Variants in PRKCA observed in about 807,000 individuals in gnomAD.
PRKCA encodes the protein protein kinase C alpha.
Under a neutral mutation model 87.0 loss-of-function variants are expected in PRKCA, and 27 were observed. That is an observed-to-expected ratio of 0.31 (90% CI 0.23 to 0.43). The LOEUF (loss-of-function observed/expected upper bound fraction) is 0.43. PRKCA is among the 20% of genes least tolerant of loss of function. PRKCA has a pLI of 1.00. For missense variants in PRKCA, 518 were observed against 852.3 expected, an observed-to-expected ratio of 0.61 and a Z score of 4.88; for synonymous variants, 329 against 311.1, an observed-to-expected ratio of 1.06 and a Z score of -0.61.
intron 3 of PRKCA, among the ~76,000 whole-genome samples, chr17:66,520,125 AT>A (rs35377147): frequency 0.43 from 57,868 of 133,916 alleles, 13,556 homozygotes; most frequent in African/African-American, 0.66. Flanking sequence ...CACACTAATA[AT>A]TTTTTTTTTT....
chr17:66,414,175 G>T (rs1911989570), intron 2 of PRKCA, among the ~76,000 whole-genome samples: 1 of 152,120 alleles, frequency 6.6e-6, no homozygotes, highest in Non-Finnish European at 1.5e-5. Flanking sequence ...ACATCTCATA[G>T]GAATTGTGAT....
chr17:66,485,518 G>A (rs1054845868), intron 2 of PRKCA, among the ~76,000 whole-genome samples: 5 of 152,202 alleles, frequency 3.3e-5, no homozygotes, highest in Non-Finnish European at 5.9e-5. Context: ...CGAAGCCTGA[G>A]TTCTGAGTAT....
At chr17:66,569,833 T>C (rs1269587084) in intron 3 of PRKCA, among the ~76,000 whole-genome samples, 3 of 152,192 alleles carry the variant, frequency 2.0e-5, no homozygotes, top group Non-Finnish European at 4.4e-5. Flanking sequence ...ATAACCACTT[T>C]AGAAAACTGT....
chr17:66,792,952 A>G lies in PRKCA; in HGVS notation c.1854+3973A>G, dbSNP rs1267450301. 6.6e-6 allele frequency among the ~76,000 whole-genome samples: 1 copy of G among 152,206 alleles called. No homozygotes were observed. Among genetic ancestry groups the G allele is most frequent in the Non-Finnish European group, 1.5e-5 (1 of 68,038 alleles). On this transcript the variant is annotated intron_variant, in intron 16 of 16. Coordinates refer to ENST00000413366, the MANE Select transcript of PRKCA (RefSeq NM_002737.3). This position sits in a 1 kb window ranked among gnomAD's most constrained non-coding sequence, Gnocchi z 4.5. Reference sequence around the variant, plus strand: ...CTGGACAGAGCCATGTCTGTCCCTAAAAAGCTACCATGTGCCACCGTGAAG... The same window carrying G: ...CTGGACAGAGCCATGTCTGTCCCTAGAAAGCTACCATGTGCCACCGTGAAG...
chr17:66,665,165 G>T (rs1295445601), intron 5 of PRKCA, among the ~76,000 whole-genome samples: 1 of 152,086 alleles, frequency 6.6e-6, no homozygotes, highest in African/African-American at 2.4e-5. Context: ...TGCTTATTTT[G>T]TGCCAAGCAC....
At chr17:66,588,152 A>G (rs1479676119) in intron 3 of PRKCA, among the ~76,000 whole-genome samples, 1 of 152,020 alleles carries the variant, frequency 6.6e-6, no homozygotes, top group Non-Finnish European at 1.5e-5. Context: ...GGTTGACCAA[A>G]AAGATTCCAT....
chr17:66,374,956 C>A (rs1224520807), intron 2 of PRKCA, among the ~76,000 whole-genome samples: 1 of 152,056 alleles, frequency 6.6e-6, no homozygotes, highest in Admixed American at 6.6e-5. Flanking sequence ...TGGTCTCAAA[C>A]TCCTGGCCTC....
intron 14 of PRKCA, among the ~76,000 whole-genome samples, chr17:66,782,400 C>T (rs750969689): frequency 4.6e-5 from 7 of 152,196 alleles, no homozygotes; most frequent in Non-Finnish European, 8.8e-5. Flanking sequence ...AACTACTCCT[C>T]TTCCCTATAC....
rs1179582126 is a variant in PRKCA, at chr17:66,308,311, A to G, written c.205+2184A>G. ...CCAGTGAAGATATCGGGTAATATAC[A>G]TCTTTTACATTTTTTACCAATCTGG... is the stretch of plus-strand genomic sequence containing the variant. On this transcript the variant is annotated intron_variant, in intron 2 of 16. Transcript: ENST00000413366. Among the ~76,000 whole-genome samples, 4 of 151,976 alleles carry G rather than the reference A, an allele frequency of 2.6e-5. No homozygotes were observed. The East Asian group carries it at 7.7e-4, about 29-fold the overall frequency.
At chr17:66,655,961 G>A (rs773608455) in intron 5 of PRKCA, among the ~76,000 whole-genome samples, 3 of 152,138 alleles carry the variant, frequency 2.0e-5, no homozygotes, top group East Asian at 1.9e-4. Flanking sequence ...GTGGTACCTC[G>A]TCCTGACTGA....
intron 3 of PRKCA, among the ~76,000 whole-genome samples, chr17:66,510,278 G>GT (rs1279165650): frequency 1.3e-5 from 2 of 152,140 alleles, no homozygotes; most frequent in African/African-American, 4.8e-5. Context: ...TTTGTTTTCG[G>GT]GGGGAAAAGG....
At chr17:66,744,850 G>A (rs1244790851) in intron 13 of PRKCA, among the ~76,000 whole-genome samples, 2 of 152,182 alleles carry the variant, frequency 1.3e-5, no homozygotes, top group Non-Finnish European at 2.9e-5. Context: ...TGCCATCCAT[G>A]CCTTTTCCAA....
At chr17:66,664,647 GTTTTTTTTT>G (rs398031366) in intron 5 of PRKCA, among the ~76,000 whole-genome samples, 1 of 67,788 alleles carries the variant, frequency 1.5e-5, no homozygotes, top group East Asian at 5.1e-4. Flanking sequence ...TTTTGCTTTG[GTTTTTTTTT>G]TTTTTTTTTT....
chr17:66,565,478 T>G (rs1474015077), intron 3 of PRKCA, among the ~76,000 whole-genome samples: 1 of 152,220 alleles, frequency 6.6e-6, no homozygotes, highest in African/African-American at 2.4e-5. Flanking sequence ...GCTAAAAGCC[T>G]GAAAGCAAAA....
intron 3 of PRKCA, among the ~76,000 whole-genome samples, chr17:66,567,428 A>C (rs191835518): frequency 3.0e-4 from 45 of 152,152 alleles, no homozygotes; most frequent in African/African-American, 1.1e-3. Flanking sequence ...GTGGCTGTTA[A>C]TGAAGCAGGG....
rs537352707 is a variant in PRKCA, at chr17:66,670,539, GA to G, written c.530-16571del. 2.2e-4 allele frequency among the ~76,000 whole-genome samples: 33 copies of G among 152,318 alleles called. 1 individual carries two copies. In the South Asian group the frequency reaches 6.6e-3, roughly 31 times the overall value. On this transcript the variant is annotated intron_variant, in intron 5 of 16. Coordinates refer to ENST00000413366, the MANE Select transcript of PRKCA (RefSeq NM_002737.3). ...AAAAATGTTTTGGGGTGAATCTTGAGATAGTCAGCAGTAGAATTTAAACAAC... is the reference window on the plus strand; with the variant it reads ...AAAAATGTTTTGGGGTGAATCTTGAGTAGTCAGCAGTAGAATTTAAACAAC...
chr17:66,366,991 A>C (rs1007978445), intron 2 of PRKCA, among the ~76,000 whole-genome samples: 5 of 152,224 alleles, frequency 3.3e-5, no homozygotes, highest in Admixed American at 2.6e-4. Flanking sequence ...TTTCATGTCA[A>C]AATGATCTTT....
At chr17:66,339,829 C>T (rs1196161820) in intron 2 of PRKCA, 1 of 152,018 alleles carries the variant, frequency 6.6e-6, no homozygotes, top group East Asian at 1.9e-4. Context: ...CTGAAGGCCA[C>T]CAAAAAGGAC....
At chr17:66,484,367 G>A (rs141339566) in intron 2 of PRKCA, among the ~76,000 whole-genome samples, 2 of 152,308 alleles carry the variant, frequency 1.3e-5, no homozygotes, top group East Asian at 1.9e-4. Flanking sequence ...TGCCAATTCT[G>A]TGTAGGAGAG....
Sources: allele counts gnomAD v4.1 joint callset (sites outside exome capture counted in the v4.1 genomes callset), GRCh38; gene constraint gnomAD v4.1.1; non-coding constraint Gnocchi (gnomAD v3.1); transcripts MANE v1.5; gene names NCBI Gene and HGNC (gene_info 2026-07-23, HGNC 2026-07-21).